SPATA17: variants seen among roughly 807,000 people sequenced by gnomAD.
SPATA17 encodes spermatogenesis associated 17, also known as spermatogenesis-associated protein 17.
A neutral mutation model predicts 62.2 loss-of-function variants in SPATA17; 53 were observed. That is an observed-to-expected ratio of 0.85 (90% CI 0.68 to 1.07). The LOEUF (loss-of-function observed/expected upper bound fraction) is 1.07, where lower values mean the gene tolerates loss of function less well. Among genes scored for constraint, SPATA17 ranks in the 50% least tolerant of loss-of-function variants. The pLI, the probability that SPATA17 is intolerant of heterozygous loss-of-function variation, is 0.00. For missense variants in SPATA17, 466 were observed against 425.5 expected (o/e 1.10, Z -0.84); for synonymous variants, 146 against 146.8 (o/e 0.99, Z 0.04).
intron 6 of SPATA17, among the ~76,000 whole-genome samples, chr1:217,765,010 A>G (rs1036001810): frequency 1.3e-5 from 2 of 152,066 alleles, no homozygotes; most frequent in African/African-American, 4.8e-5. Context: ...TTGAGATGAA[A>G]TGGAAATTGG....
chr1:217,714,248 G>T (rs1259625745), intron 5 of SPATA17, among the ~76,000 whole-genome samples: 1 of 151,798 alleles, frequency 6.6e-6, no homozygotes, highest in African/African-American at 2.4e-5. Context: ...AATTAGCCAA[G>T]CGTGGTGGCA....
intron 6 of SPATA17, among the ~76,000 whole-genome samples, chr1:217,751,252 T>A (rs1272679488): frequency 6.6e-6 from 1 of 152,230 alleles, no homozygotes; most frequent in East Asian, 1.9e-4. Context: ...AGCAATTTAT[T>A]ATATCTATTT....
At chr1:217,658,636 T>C (rs1670495298) in intron 3 of SPATA17, among the ~76,000 whole-genome samples, 2 of 151,960 alleles carry the variant, frequency 1.3e-5, no homozygotes, top group African/African-American at 4.8e-5. Flanking sequence ...CAGGTGCCTG[T>C]AGTCCTAGCT....
At chr1:217,825,727 G>T (rs2102999204) in intron 9 of SPATA17, among the ~76,000 whole-genome samples, 1 of 152,036 alleles carries the variant, frequency 6.6e-6, no homozygotes, top group South Asian at 2.1e-4. Context: ...TTAGTCTACA[G>T]CAGGGATATA....
At chr1:217,837,297 A>G (rs188389953) in intron 9 of SPATA17, among the ~76,000 whole-genome samples, 4 of 152,258 alleles carry the variant, frequency 2.6e-5, no homozygotes, top group Admixed American at 2.0e-4. Flanking sequence ...CTAATTGTGT[A>G]TGTATTATAG....
chr1:217,747,202 A>G (rs994931841), intron 6 of SPATA17, among the ~76,000 whole-genome samples: 6 of 152,144 alleles, frequency 3.9e-5, no homozygotes, highest in Admixed American at 1.3e-4. Context: ...ATTATTTAAT[A>G]AAGTTATTTA....
chr1:217,782,709 A>G (rs1298095259), intron 8 of SPATA17, among the ~76,000 whole-genome samples: 1 of 152,178 alleles, frequency 6.6e-6, no homozygotes. Flanking sequence ...TGATCTATTG[A>G]CATAACATTG....
At chr1:217,755,423 T>C (rs1283047296) in intron 6 of SPATA17, among the ~76,000 whole-genome samples, 1 of 152,038 alleles carries the variant, frequency 6.6e-6, no homozygotes, top group Non-Finnish European at 1.5e-5. Context: ...AATTTGTGAA[T>C]ATCTCTGAGT....
chr1:217,670,201 T>C (rs1670801148), intron 4 of SPATA17, among the ~76,000 whole-genome samples: 1 of 152,164 alleles, frequency 6.6e-6, no homozygotes, highest in Admixed American at 6.5e-5. Flanking sequence ...AAAACACCAT[T>C]GATTCTTTTC....
intron 4 of SPATA17, among the ~76,000 whole-genome samples, chr1:217,675,774 G>C (rs1376084742): frequency 6.6e-6 from 1 of 152,078 alleles, no homozygotes; most frequent in African/African-American, 2.4e-5. Flanking sequence ...ATGAGGAAAG[G>C]GAATCACAGA....
intron 6 of SPATA17, among the ~76,000 whole-genome samples, chr1:217,770,938 G>A (rs544544360): frequency 6.0e-5 from 8 of 134,060 alleles, no homozygotes; most frequent in Non-Finnish European, 1.1e-4. Flanking sequence ...CTGAAGGGGG[G>A]AATTCAAGAA....
intron 5 of SPATA17, among the ~76,000 whole-genome samples, chr1:217,740,264 A>G (rs1444196317): frequency 6.6e-6 from 1 of 151,766 alleles, no homozygotes; most frequent in Non-Finnish European, 1.5e-5. Flanking sequence ...AAATTACTGT[A>G]CTTATATTTA....
intron 5 of SPATA17, among the ~76,000 whole-genome samples, chr1:217,715,625 T>G (rs555821919): frequency 6.6e-6 from 1 of 152,048 alleles, no homozygotes; most frequent in Non-Finnish European, 1.5e-5. Flanking sequence ...TTAGTTTCCT[T>G]GATTATTCTG....
chr1:217,703,670 A>G (rs1420372027), intron 5 of SPATA17, among the ~76,000 whole-genome samples: 1 of 151,924 alleles, frequency 6.6e-6, no homozygotes, highest in African/African-American at 2.4e-5. Context: ...TAATTTTATG[A>G]CTCATATTTT....
At chr1:217,746,961 C>T (rs1004683432) in intron 6 of SPATA17, among the ~76,000 whole-genome samples, 1 of 151,976 alleles carries the variant, frequency 6.6e-6, no homozygotes, top group African/African-American at 2.4e-5. Context: ...TTTGTTGCTA[C>T]AGACATAATA....
chr1:217,779,822 A>T (rs1419248005), intron 7 of SPATA17, among the ~76,000 whole-genome samples: 1 of 152,136 alleles, frequency 6.6e-6, no homozygotes, highest in Non-Finnish European at 1.5e-5. Flanking sequence ...AATTTTTTAA[A>T]CATCTAGGAC....
intron 6 of SPATA17, among the ~76,000 whole-genome samples, chr1:217,767,531 C>A (rs532839083): frequency 2.0e-5 from 3 of 152,226 alleles, no homozygotes; most frequent in African/African-American, 4.8e-5. Context: ...TGTCCCACAG[C>A]TCTTGGATAT....
chr1:217,809,719 C>T (rs1231903548), intron 9 of SPATA17, among the ~76,000 whole-genome samples: 1 of 152,164 alleles, frequency 6.6e-6, no homozygotes, highest in African/African-American at 2.4e-5. Context: ...CCCACTAGGT[C>T]CCACCTCCCA....
intron 9 of SPATA17, among the ~76,000 whole-genome samples, chr1:217,824,213 G>A (rs935619874): frequency 1.3e-5 from 2 of 151,698 alleles, no homozygotes; most frequent in African/African-American, 2.4e-5. Flanking sequence ...CCCATAATTA[G>A]CAATTCCATT....
Sources: gnomAD v4.1 joint callset for allele counts (sites outside exome capture counted in the v4.1 genomes callset) on GRCh38, gnomAD v4.1.1 for gene constraint, MANE v1.5 for transcripts, NCBI Gene and HGNC (gene_info 2026-07-23, HGNC 2026-07-21) for gene names.